The following RIMS2 variants were observed in gnomAD, a reference collection of about 807,000 sequenced individuals.
RIMS2 encodes regulating synaptic membrane exocytosis protein 2.
Under a neutral mutation model 174.4 loss-of-function variants are expected in RIMS2, and 59 were observed. The ratio of observed to expected loss-of-function variants is 0.34; its 90% confidence interval spans 0.27 to 0.42. The LOEUF (loss-of-function observed/expected upper bound fraction) is 0.42, where lower values mean the gene tolerates loss of function less well. Among genes scored for constraint, RIMS2 ranks in the 10% least tolerant of loss-of-function variants. The pLI is 1.00. For synonymous variants in RIMS2, 606 were observed against 572.5 expected (o/e 1.06, Z -0.84); for missense variants, 1,620 against 1,666.3 (o/e 0.97, Z 0.48).
intron 3 of RIMS2, among the ~76,000 whole-genome samples, chr8:103,824,956 A>C (rs75794327): frequency 1.3e-5 from 2 of 152,206 alleles, no homozygotes; most frequent in African/African-American, 4.8e-5. Flanking sequence ...TTGTAGCTTT[A>C]TGTTGGGTAG....
chr8:103,879,479 A>AC (rs1178639438), intron 3 of RIMS2, among the ~76,000 whole-genome samples: 1 of 151,468 alleles, frequency 6.6e-6, no homozygotes, highest in East Asian at 1.9e-4. Context: ...TACTGGTTTT[A>AC]CATTCCTATG....
At chr8:103,846,698 A>T (rs990185464) in intron 3 of RIMS2, among the ~76,000 whole-genome samples, 16 of 152,156 alleles carry the variant, frequency 1.1e-4, no homozygotes, top group Non-Finnish European at 1.5e-5. Flanking sequence ...GTTGCCTCTG[A>T]TAATTAAATT....
chr8:104,249,780 G>A (rs1288218735), intron 22 of RIMS2, among the ~76,000 whole-genome samples, 192 bp downstream of exon 28: 1 of 152,014 alleles, frequency 6.6e-6, no homozygotes, highest in Non-Finnish European at 1.5e-5. Flanking sequence ...GATCCGGTGG[G>A]GATAATGTAA....
chr8:103,687,409 T>A (rs902020316), intron 1 of RIMS2, among the ~76,000 whole-genome samples: 2 of 152,128 alleles, frequency 1.3e-5, no homozygotes, highest in Non-Finnish European at 2.9e-5. Context: ...AAATTTAATT[T>A]CAAATTAACA....
chr8:103,703,133 A>G (rs977679452), intron 2 of RIMS2, among the ~76,000 whole-genome samples: 6 of 151,408 alleles, frequency 4.0e-5, no homozygotes, highest in Admixed American at 2.0e-4. Flanking sequence ...GATATGCATC[A>G]CCATACCTGG....
At chr8:103,732,060 G>A (rs1034278226) in intron 2 of RIMS2, among the ~76,000 whole-genome samples, 1 of 152,166 alleles carries the variant, frequency 6.6e-6, no homozygotes, top group Non-Finnish European at 1.5e-5. Context: ...GGGGTTGTTT[G>A]TACTTGCACT....
chr8:103,550,653 T>C (rs1847351185), intron 1 of RIMS2, among the ~76,000 whole-genome samples: 2 of 151,832 alleles, frequency 1.3e-5, no homozygotes, highest in South Asian at 2.1e-4. Flanking sequence ...TTCAAAAAAA[T>C]CAATGTATCT....
intron 19 of RIMS2, among the ~76,000 whole-genome samples, chr8:104,123,333 G>T (rs2098400725): frequency 6.6e-6 from 1 of 151,794 alleles, no homozygotes; most frequent in South Asian, 2.1e-4. Flanking sequence ...GAAAAGTCTG[G>T]TACACAGAAA....
intron 1 of RIMS2, among the ~76,000 whole-genome samples, chr8:103,561,065 A>T (rs1270187282): frequency 6.6e-6 from 1 of 152,216 alleles, no homozygotes; most frequent in East Asian, 1.9e-4. Context: ...AGCTGTTCCA[A>T]ATAATTGGTC....
chr8:103,594,397 T>C (rs1347088274), intron 1 of RIMS2, among the ~76,000 whole-genome samples: 1 of 151,672 alleles, frequency 6.6e-6, no homozygotes, highest in Non-Finnish European at 1.5e-5. Context: ...ATAGTGCTAA[T>C]GGCTATGAGT....
intron 20 of RIMS2, among the ~76,000 whole-genome samples, chr8:104,246,475 A>C (rs2140119452): frequency 6.6e-6 from 1 of 152,330 alleles, no homozygotes; most frequent in Non-Finnish European, 1.5e-5. Flanking sequence ...CTCCCCAAAA[A>C]TAAAATACTC....
rs529452878 is a variant in RIMS2 at position 104,190,699 on chromosome 8, A to G, written c.3335-54217A>G. 3.0e-3 allele frequency among the ~76,000 whole-genome samples: 453 copies of G among 152,166 alleles called. 1 individual carries two copies. Among genetic ancestry groups the G allele is most frequent in the Non-Finnish European group, 5.5e-3 (372 of 67,990 alleles). Reference sequence around the variant, plus strand: ...AGAGTGGGCTATCTCCTCTTTCCCTATAGATATGAGAGCATGCATTTTTTT... The same window carrying G: ...AGAGTGGGCTATCTCCTCTTTCCCTGTAGATATGAGAGCATGCATTTTTTT... On this transcript the variant is annotated intron_variant, in intron 19 of 23. Transcript: ENST00000504942.
intron 3 of RIMS2, among the ~76,000 whole-genome samples, chr8:103,842,141 A>G (rs540021918): frequency 9.9e-5 from 15 of 152,234 alleles, no homozygotes; most frequent in African/African-American, 3.4e-4. Context: ...AGGTATGTTC[A>G]TAAAATCTAG....
intron 3 of RIMS2, among the ~76,000 whole-genome samples, chr8:103,818,212 G>A (rs28362512): frequency 0.16 from 23,905 of 152,032 alleles, 1,983 homozygotes; most frequent in Middle Eastern, 0.25. Context: ...TTTACTGATA[G>A]TGTATGGAAA....
intron 1 of RIMS2, 58 bp downstream of exon 1, chr8:103,501,120 T>G: frequency 7.5e-7 from 1 of 1,330,712 alleles, no homozygotes; most frequent in African/African-American, 1.5e-5. Context: ...CCTCGCCCAC[T>G]GCCCTGCGGC....
chr8:104,062,279 C>A (rs1000246466), intron 19 of RIMS2, among the ~76,000 whole-genome samples: 4 of 152,040 alleles, frequency 2.6e-5, no homozygotes, highest in African/African-American at 9.7e-5. Flanking sequence ...TGGTGCAAGT[C>A]TGTAATCCCA....
At chr8:104,139,746 C>G (rs559617781) in intron 19 of RIMS2, among the ~76,000 whole-genome samples, 1 of 152,018 alleles carries the variant, frequency 6.6e-6, no homozygotes, top group Admixed American at 6.6e-5. Flanking sequence ...ATTTGGATGC[C>G]CTTTGTTTAT....
At chr8:103,855,110 C>A (rs758295675) in intron 3 of RIMS2, among the ~76,000 whole-genome samples, 7 of 151,842 alleles carry the variant, frequency 4.6e-5, no homozygotes, top group Admixed American at 1.3e-4. Flanking sequence ...TCCAGGAATT[C>A]ATCTATTTCC....
At chr8:103,749,439 C>T (rs1252960807) in intron 2 of RIMS2, among the ~76,000 whole-genome samples, 3 of 152,108 alleles carry the variant, frequency 2.0e-5, no homozygotes, top group Non-Finnish European at 4.4e-5. Flanking sequence ...AAACTAAACT[C>T]TCTTTCTTTT....
Sources: gnomAD v4.1 joint callset for allele counts (sites outside exome capture counted in the v4.1 genomes callset) on GRCh38, gnomAD v4.1.1 for gene constraint, MANE v1.5 for transcripts, NCBI Gene and HGNC (gene_info 2026-07-23, HGNC 2026-07-21) for gene names.